The following PREX1 variants were observed in gnomAD, a reference collection of about 807,000 sequenced individuals.
PREX1 encodes phosphatidylinositol 3,4,5-trisphosphate-dependent Rac exchanger 1 protein.
Under a neutral mutation model 198.3 loss-of-function variants are expected in PREX1, and 41 were observed. The ratio of observed to expected loss-of-function variants is 0.21; its 90% CI spans 0.16 to 0.27. The LOEUF (loss-of-function observed/expected upper bound fraction) is 0.27. Ranked by LOEUF, PREX1 falls within the 10% of genes least tolerant of loss-of-function variation. The pLI, the probability that PREX1 is intolerant of heterozygous loss-of-function variation, is 1.00. For missense variants in PREX1, 1,620 were observed against 2,200.7 expected (o/e 0.74, Z 5.28); for synonymous variants, 843 against 887.2 (o/e 0.95, Z 0.89).
chr20:48,849,774 A>G, the PREX1 span, among the ~76,000 whole-genome samples: 2 of 152,238 alleles, frequency 1.3e-5, no homozygotes, highest in East Asian at 3.8e-4. Context: ...TTCTACCACC[A>G]CATACTTCAA....
intron 4 of PREX1, among the ~76,000 whole-genome samples, chr20:48,726,811 T>TA (rs2090012683): frequency 6.6e-6 from 1 of 152,112 alleles, no homozygotes; most frequent in East Asian, 1.9e-4. Context: ...CTTACAACAG[T>TA]AAAAAATGGG....
In PREX1 at chr20:48,728,825, T is replaced by TA. The variant is rs199997244; in HGVS notation, c.520-2435dup. On this transcript the variant is annotated intron_variant, in intron 4 of 39. Coordinates refer to ENST00000371941, the MANE Select transcript of PREX1 (RefSeq NM_020820.4). ...ATTGTGGTTTCACTTTATTTTCTTTTAAAAAAAAACAAAAACAAAAAAAAC... is the reference window on the plus strand; with the variant it reads ...ATTGTGGTTTCACTTTATTTTCTTTTAAAAAAAAAACAAAAACAAAAAAAAC... Among the ~76,000 whole-genome samples, 584 of 151,010 alleles carry TA rather than the reference T, an allele frequency of 3.9e-3. 2 individuals carry two copies. Among genetic ancestry groups the TA allele is most frequent in the East Asian group, 0.01 (54 of 5,160 alleles).
chr20:48,754,515 G>C (rs2122811837), intron 1 of PREX1, among the ~76,000 whole-genome samples: 1 of 152,098 alleles, frequency 6.6e-6, no homozygotes, highest in East Asian at 1.9e-4. Flanking sequence ...TCTCTCCCTG[G>C]AGATAAAAAG....
the PREX1 span, among the ~76,000 whole-genome samples, chr20:48,881,284 T>C: frequency 6.6e-6 from 1 of 152,070 alleles, no homozygotes; most frequent in Admixed American, 6.6e-5. Flanking sequence ...TTTTCCATAA[T>C]AAAAAAAGAA....
intron 30 of PREX1, among the ~76,000 whole-genome samples, chr20:48,639,126 T>C (rs576061102): frequency 6.6e-6 from 1 of 152,288 alleles, no homozygotes; most frequent in Non-Finnish European, 1.5e-5. Flanking sequence ...GTAAGATGCG[T>C]GGAGCAGACG....
chr20:48,873,696 G>C, the PREX1 span, among the ~76,000 whole-genome samples: 1 of 151,814 alleles, frequency 6.6e-6, no homozygotes, highest in African/African-American at 2.4e-5. Context: ...CTCTAGCCTG[G>C]ATGACAATAG....
chr20:48,860,830 C>A, the PREX1 span, among the ~76,000 whole-genome samples: 3 of 144,132 alleles, frequency 2.1e-5, no homozygotes, highest in African/African-American at 5.1e-5. Context: ...TGAGACTCTG[C>A]CTCAAAAAAA....
intron 7 of PREX1, among the ~76,000 whole-genome samples, chr20:48,695,144 C>G (rs770973761): frequency 5.9e-5 from 9 of 152,298 alleles, no homozygotes; most frequent in Non-Finnish European, 7.4e-5. Context: ...ACAGGCACCC[C>G]CTTATGCCCC....
intron 1 of PREX1, among the ~76,000 whole-genome samples, chr20:48,772,756 T>A (rs1321160208): frequency 6.6e-6 from 1 of 152,206 alleles, no homozygotes; most frequent in African/African-American, 2.4e-5. Context: ...GATGGCCGCA[T>A]GGCTGAGTGC....
chr20:48,773,928 A>T (rs1387529853), intron 1 of PREX1, among the ~76,000 whole-genome samples: 1 of 152,020 alleles, frequency 6.6e-6, no homozygotes, highest in Admixed American at 6.6e-5. Flanking sequence ...GTGATGGAGG[A>T]TTTGACCAGG....
intron 6 of PREX1, among the ~76,000 whole-genome samples, chr20:48,705,568 G>A (rs2089899104): frequency 6.6e-6 from 1 of 152,180 alleles, no homozygotes; most frequent in Non-Finnish European, 1.5e-5. Context: ...ATAAAGATGT[G>A]CAATCGCATC....
chr20:48,800,989 T>C (rs1306695700), intron 1 of PREX1, among the ~76,000 whole-genome samples: 1 of 152,168 alleles, frequency 6.6e-6, no homozygotes, highest in African/African-American at 2.4e-5. Flanking sequence ...TTTCTAAAGA[T>C]ATGTTAGCTT....
At chr20:48,751,642 C>G (rs980296141) in intron 1 of PREX1, among the ~76,000 whole-genome samples, 14 of 152,310 alleles carry the variant, frequency 9.2e-5, no homozygotes, top group African/African-American at 3.4e-4. Context: ...CTTCCTTTGT[C>G]CAAGGCTTGA....
chr20:48,865,037 G>T, the PREX1 span, among the ~76,000 whole-genome samples: 2 of 122,792 alleles, frequency 1.6e-5, no homozygotes, highest in Admixed American at 8.3e-5. Flanking sequence ...AGGCAGGGTT[G>T]GGGGGGGTCT....
rs557931930 is a variant in PREX1, at chr20:48,624,305, C to T, written c.*1580G>A. On this transcript the variant is annotated 3_prime_UTR_variant, in exon 40 of 40. Coordinates refer to ENST00000371941, the MANE Select transcript of PREX1 (RefSeq NM_020820.4). ...AATAAAAAATCTATCAAGAATTTAA[C>T]GAGAAGAATCTGTACATTTTAAAGT... The T allele has an allele frequency of 1.3e-5, 2 of 149,336 alleles. No individual in the cohort carries two copies. The highest frequency in any genetic ancestry group is 2.2e-4 in the South Asian group (1 of 4,606). 9.3% of individuals were successfully genotyped at this position (149,336 alleles called of 1,614,324 possible). A position where few individuals can be genotyped will look rare whatever the true frequency, so the allele number is the denominator to read the frequency against.
intron 14 of PREX1, among the ~76,000 whole-genome samples, chr20:48,673,482 G>T (rs545507958): frequency 3.3e-5 from 5 of 152,282 alleles, no homozygotes; most frequent in African/African-American, 1.2e-4. Flanking sequence ...GACACCAACA[G>T]GCAGCTCTGA....
intron 15 of PREX1, among the ~76,000 whole-genome samples, chr20:48,661,419 CAAAAAAA>C (rs1168247790): frequency 1.7e-3 from 21 of 12,010 alleles, no homozygotes; most frequent in South Asian, 0.012. Context: ...AACTCCATCT[CAAAAAAA>C]AAAAAAAAAA....
intron 22 of PREX1, 76 bp from the exon 23 acceptor site, chr20:48,651,131 C>T: frequency 1.3e-6 from 2 of 1,532,280 alleles, no homozygotes; most frequent in Non-Finnish European, 8.8e-7. Flanking sequence ...ACAGTGACTC[C>T]TGTACTACTC....
chr20:48,820,814 C>T (rs2090481195), intron 1 of PREX1, among the ~76,000 whole-genome samples: 2 of 152,312 alleles, frequency 1.3e-5, no homozygotes, highest in South Asian at 4.1e-4. Context: ...ATGGTCCAGC[C>T]CCGTATGTCG....
Sources: gnomAD v4.1 joint callset for allele counts (sites outside exome capture counted in the v4.1 genomes callset) on GRCh38, gnomAD v4.1.1 for gene constraint, MANE v1.5 for transcripts, NCBI Gene and HGNC (gene_info 2026-07-23, HGNC 2026-07-21) for gene names.